Variants in PXDNL observed in about 807,000 individuals in gnomAD.
PXDNL encodes peroxidasin like.
A neutral mutation model predicts 150.8 loss-of-function variants in PXDNL; 145 were observed. That is an observed-to-expected ratio of 0.96 (90% CI 0.84 to 1.10). PXDNL has a LOEUF of 1.10. PXDNL is among the 50% of genes least tolerant of loss of function. The pLI is 0.00. For synonymous variants in PXDNL, 757 were observed against 725.7 expected, an observed-to-expected ratio of 1.04 and a Z score of -0.69; for missense variants, 2,087 against 1,873.9, an observed-to-expected ratio of 1.11 and a Z score of -2.10.
chr8:51,400,977 C>T (rs1190159765), intron 17 of PXDNL, among the ~76,000 whole-genome samples: 1 of 152,054 alleles, frequency 6.6e-6, no homozygotes, highest in Non-Finnish European at 1.5e-5. Context: ...TGAGTCTCAC[C>T]CAAGCATGTC....
intron 3 of PXDNL, among the ~76,000 whole-genome samples, chr8:51,565,877 G>T: frequency 6.6e-6 from 1 of 151,656 alleles, no homozygotes. Flanking sequence ...CTGGTCCCAA[G>T]CATTTCATAT....
chr8:51,458,263 A>G (rs1016367001), intron 8 of PXDNL, among the ~76,000 whole-genome samples: 11 of 152,222 alleles, frequency 7.2e-5, no homozygotes, highest in African/African-American at 2.7e-4. Context: ...AATTAAGTGC[A>G]TAATCCATTG....
chr8:51,551,053 C>T (rs577196454), intron 4 of PXDNL, among the ~76,000 whole-genome samples: 1 of 151,774 alleles, frequency 6.6e-6, no homozygotes, highest in Non-Finnish European at 1.5e-5. Context: ...AGAACTCAGC[C>T]CCTTTTACAA....
intron 5 of PXDNL, among the ~76,000 whole-genome samples, chr8:51,493,513 A>T (rs1810952875): frequency 6.6e-6 from 1 of 152,164 alleles, no homozygotes; most frequent in Non-Finnish European, 1.5e-5. Context: ...AACCCATGGC[A>T]AAGAAGTTAA....
chr8:51,573,657 C>T (rs2130599939), intron 3 of PXDNL, among the ~76,000 whole-genome samples: 1 of 152,080 alleles, frequency 6.6e-6, no homozygotes, highest in Non-Finnish European at 1.5e-5. Flanking sequence ...CCTACCTGCA[C>T]CTGACAATAA....
At chr8:51,757,551 G>A (rs1327690835) in intron 1 of PXDNL, among the ~76,000 whole-genome samples, 6 of 152,108 alleles carry the variant, frequency 3.9e-5, no homozygotes, top group Non-Finnish European at 8.8e-5. Flanking sequence ...AAACTTTCAT[G>A]GAGTTTATCA....
chr8:51,643,871 T>C (rs1307600364), intron 2 of PXDNL, among the ~76,000 whole-genome samples: 2 of 151,890 alleles, frequency 1.3e-5, no homozygotes, highest in Non-Finnish European at 2.9e-5. Context: ...CATCAAAAAA[T>C]GGGTGAAGGA....
At chr8:51,465,952 G>C (rs574494620) in intron 8 of PXDNL, among the ~76,000 whole-genome samples, 1 of 151,990 alleles carries the variant, frequency 6.6e-6, no homozygotes, top group Admixed American at 6.6e-5. Context: ...AATCAATATT[G>C]TTCAAATGGC....
At chr8:51,686,362 G>A (rs770372048) in intron 1 of PXDNL, among the ~76,000 whole-genome samples, 7 of 152,186 alleles carry the variant, frequency 4.6e-5, no homozygotes, top group South Asian at 2.1e-4. Flanking sequence ...GCCATGAGCC[G>A]GTACTTGGAG....
chr8:51,495,928 T>C (rs1309547113), intron 5 of PXDNL, among the ~76,000 whole-genome samples: 2 of 152,202 alleles, frequency 1.3e-5, no homozygotes, highest in Non-Finnish European at 2.9e-5. Flanking sequence ...TAACTCATTT[T>C]ATGAGGCTGG....
At chr8:51,367,197 G>A (rs1207605895) in intron 19 of PXDNL, among the ~76,000 whole-genome samples, 1 of 150,472 alleles carries the variant, frequency 6.6e-6, no homozygotes, top group East Asian at 2.0e-4. Flanking sequence ...TTAGTGGCAA[G>A]CCTGGGATGT....
intron 6 of PXDNL, among the ~76,000 whole-genome samples, chr8:51,482,487 G>A (rs528664232): frequency 2.3e-4 from 35 of 152,248 alleles, no homozygotes; most frequent in African/African-American, 4.6e-4. Context: ...TTGGGGGACC[G>A]TTGGGAAGGC....
intron 1 of PXDNL, among the ~76,000 whole-genome samples, chr8:51,718,683 C>A (rs1361204943): frequency 2.6e-5 from 4 of 152,178 alleles, no homozygotes; most frequent in African/African-American, 9.7e-5. Context: ...TGCTATAAAA[C>A]TCAAAGATGG....
intron 1 of PXDNL, 27 bp downstream of exon 1, chr8:51,809,154 G>T (rs2037708330): frequency 6.2e-7 from 1 of 1,612,612 alleles, no homozygotes. Flanking sequence ...GGGGAAGAGG[G>T]TTTCTGGGGA....
chr8:51,472,507 T>C (rs184079386), intron 7 of PXDNL, among the ~76,000 whole-genome samples: 1 of 152,342 alleles, frequency 6.6e-6, no homozygotes, highest in Non-Finnish European at 1.5e-5. Context: ...AAAAATTCAC[T>C]GCACAAAGGG....
intron 4 of PXDNL, among the ~76,000 whole-genome samples, chr8:51,543,083 G>A (rs115012816): frequency 0.019 from 2,830 of 152,178 alleles, 37 homozygotes; most frequent in African/African-American, 0.034. Context: ...AGATTTCAGA[G>A]CCAGCCTGTC....
intron 1 of PXDNL, among the ~76,000 whole-genome samples, chr8:51,808,679 A>G (rs762850877): frequency 6.6e-6 from 1 of 152,192 alleles, no homozygotes; most frequent in Non-Finnish European, 1.5e-5. Flanking sequence ...TTCTGGAGAC[A>G]GACAGTGCTT....
intron 5 of PXDNL, among the ~76,000 whole-genome samples, chr8:51,489,010 C>G (rs935434936): frequency 2.0e-5 from 3 of 152,062 alleles, no homozygotes; most frequent in African/African-American, 7.2e-5. Context: ...GAATTAAACT[C>G]TGATTAAAAA....
intron 1 of PXDNL, among the ~76,000 whole-genome samples, chr8:51,726,346 A>G (rs1237448942): frequency 1.3e-5 from 2 of 152,176 alleles, no homozygotes; most frequent in Admixed American, 6.5e-5. Flanking sequence ...ATACTTCTGG[A>G]TCCTCTAGCC....
Sources: allele counts gnomAD v4.1 joint callset (sites outside exome capture counted in the v4.1 genomes callset), GRCh38; gene constraint gnomAD v4.1.1; transcripts MANE v1.5; gene names NCBI Gene and HGNC (gene_info 2026-07-23, HGNC 2026-07-21).